Variants in MTIF2 observed in about 807,000 individuals in gnomAD.
MTIF2 encodes the protein mitochondrial translational initiation factor 2.
In MTIF2, 71 loss-of-function variants were observed where a neutral mutation model predicts 83.5. The observed-to-expected ratio is 0.85, with a 90% CI of 0.70 to 1.04. MTIF2 has a LOEUF of 1.04. Among genes scored for constraint, MTIF2 ranks in the 50% least tolerant of loss-of-function variants. The pLI, the probability that MTIF2 is intolerant of heterozygous loss-of-function variation, is 0.00. For missense variants in MTIF2, 957 were observed against 846.5 expected (o/e 1.13, Z -1.62); for synonymous variants, 319 against 287.1 (o/e 1.11, Z -1.12).
At chr2:55,268,967 G>T (rs1388991939) in intron 1 of MTIF2, 4 of 152,060 alleles carry the variant, frequency 2.6e-5, no homozygotes, top group Non-Finnish European at 4.4e-5. Flanking sequence ...CCGGCCAGCC[G>T]CTTCCGAGAG....
chr2:55,259,943 C>CA (rs1312117287), intron 5 of MTIF2, among the ~76,000 whole-genome samples: 9 of 150,226 alleles, frequency 6.0e-5, no homozygotes, highest in Non-Finnish European at 1.0e-4. Flanking sequence ...GACTCTGCTT[C>CA]AAAAAAAAAG....
intron 2 of MTIF2, among the ~76,000 whole-genome samples, chr2:55,268,150 G>T (rs1678576422): frequency 6.6e-6 from 1 of 152,102 alleles, no homozygotes; most frequent in African/African-American, 2.4e-5. Flanking sequence ...CGACTTGGGA[G>T]GCTGAGGCAG....
intron 9 of MTIF2, among the ~76,000 whole-genome samples, chr2:55,247,756 T>A (rs73936964): frequency 0.072 from 10,938 of 151,776 alleles, 1,257 homozygotes; most frequent in African/African-American, 0.24. Context: ...TCATCTTACC[T>A]CCCTGCCACT....
Position 55,254,816 on chromosome 2 carries a change from T to A in MTIF2, c.341A>T (p.Tyr114Phe). ...RAMEKNTDYV[Y>F]EALLNTDIDI... The stretch of plus-strand genomic sequence containing the variant: ...AATATCAGTGTTCAATAAAGCTTCA[T>A]ATACATAATCTGATTGGAATAAAAT... Residue 114 changes from tyrosine (Y) to phenylalanine (F), a missense_variant, in exon 6 of 16, where the codon TAT becomes TTT. Physicochemically the swap from Tyr to Phe is conservative, Grantham distance 22. Coordinates refer to ENST00000263629, the MANE Select transcript of MTIF2 (RefSeq NM_002453.3). The A allele has an allele frequency of 6.3e-7, 1 of 1,582,616 alleles. No homozygotes were observed. The highest frequency in any genetic ancestry group is 1.2e-5 in the South Asian group (1 of 85,430).
chr2:55,253,412 C>G (rs1341319420), intron 7 of MTIF2, among the ~76,000 whole-genome samples: 1 of 151,590 alleles, frequency 6.6e-6, no homozygotes, highest in Non-Finnish European at 1.5e-5. Flanking sequence ...GGCGCGGTGG[C>G]TCACACCTGT....
At chr2:55,245,393 G>C (rs1180605898) in intron 10 of MTIF2, among the ~76,000 whole-genome samples, 4 of 152,054 alleles carry the variant, frequency 2.6e-5, no homozygotes, top group Non-Finnish European at 5.9e-5. Context: ...ATGGTGGTGG[G>C]TGCCTGTAAA....
chr2:55,238,695 CTG>C (rs1676077993), intron 14 of MTIF2, among the ~76,000 whole-genome samples: 1 of 151,962 alleles, frequency 6.6e-6, no homozygotes, highest in African/African-American at 2.4e-5. Context: ...CCGGCCGAGT[CTG>C]TTTTTTTTCA....
Position 55,237,320 on chromosome 2 carries a change from T to G in MTIF2, c.1979A>C (p.Lys660Thr). 1.2e-6 allele frequency: 2 copies of G among 1,612,876 alleles called. No individual in the cohort carries two copies. The highest frequency in any genetic ancestry group is 8.5e-7 in the Non-Finnish European group (1 of 1,179,880). The change falls in exon 15 of 16, where the codon AAA becomes ACA. Residue 660 changes from lysine (K) to threonine (T), a missense_variant. Physicochemically the swap from Lys to Thr is moderately conservative, Grantham distance 78 (BLOSUM62 -1). This residue lies in a region of MTIF2 where 221 missense variants were observed against 180.6 expected (regional missense o/e 1.22). Transcript: ENST00000263629. ...KGQLEKQKKF[K>T]LTRNGHVIWK... ...AATTACATGTCCATTACGGGTTAGTTTAAATTTTTTTTGTTTTTCTAACTG... is the reference window on the plus strand; with the variant it reads ...AATTACATGTCCATTACGGGTTAGTGTAAATTTTTTTTGTTTTTCTAACTG...
intron 4 of MTIF2, among the ~76,000 whole-genome samples, chr2:55,262,872 G>A (rs1239988249): frequency 6.6e-6 from 1 of 152,152 alleles, no homozygotes; most frequent in African/African-American, 2.4e-5. Context: ...GGGACTACAG[G>A]CATGCGCCAC....
chr2:55,240,463 C>T (rs1296933081), intron 13 of MTIF2, among the ~76,000 whole-genome samples: 1 of 152,060 alleles, frequency 6.6e-6, no homozygotes, highest in Non-Finnish European at 1.5e-5. Flanking sequence ...CCTGTAATTC[C>T]AGCTACTCAG....
intron 14 of MTIF2, among the ~76,000 whole-genome samples, chr2:55,239,138 T>TG (rs1676110882): frequency 6.6e-6 from 1 of 152,124 alleles, no homozygotes; most frequent in Non-Finnish European, 1.5e-5. Context: ...GATCCTGGAC[T>TG]GGGGAAAAAA....
In MTIF2 at chr2:55,240,181, A is replaced by C. The variant is rs184871366; in HGVS notation, c.1706-6T>G. On this transcript the variant is annotated splice_region_variant and splice_polypyrimidine_tract_variant and intron_variant, in intron 13 of 15. Coordinates refer to ENST00000263629, the MANE Select transcript of MTIF2 (RefSeq NM_002453.3). ...ATTAAAGCCATATATAACACCTAGCAAACAGAAATATGATCAATGAAGTAG... is the reference window on the plus strand; with the variant it reads ...ATTAAAGCCATATATAACACCTAGCCAACAGAAATATGATCAATGAAGTAG... The C allele has an allele frequency of 4.4e-4, 697 of 1,601,962 alleles. 2 individuals carry two copies. The African/African-American group carries it at 8.3e-3, about 19-fold the overall frequency.
chr2:55,261,432 C>A (rs1677979743), intron 5 of MTIF2, among the ~76,000 whole-genome samples: 1 of 151,410 alleles, frequency 6.6e-6, no homozygotes, highest in South Asian at 2.1e-4. Context: ...ATGGTGAAAC[C>A]CCGTCTCTAC....
At chr2:55,237,054 A>G (rs1675886608) in intron 15 of MTIF2, among the ~76,000 whole-genome samples, 1 of 152,220 alleles carries the variant, frequency 6.6e-6, no homozygotes, top group Non-Finnish European at 1.5e-5. Context: ...AAAGGTAGAC[A>G]TAAACTTTTT....
chr2:55,237,306 C>T lies in MTIF2; in HGVS notation c.1993G>A (p.Gly665Arg), dbSNP rs1382222740. 3.7e-6 allele frequency: 6 copies of T among 1,612,494 alleles called. No individual in the cohort carries two copies. The highest frequency in any genetic ancestry group is 5.1e-6 in the Non-Finnish European group (6 of 1,179,720). The change falls in exon 15 of 16, where the codon GGA becomes AGA. Residue 665 changes from glycine to arginine, a missense_variant. Gly to Arg is a moderately radical substitution (Grantham distance 125). Transcript: ENST00000263629. ...TGCTTACCCTTCCAAATTACATGTC[C>T]ATTACGGGTTAGTTTAAATTTTTTT... is the stretch of plus-strand genomic sequence containing the variant. ...KQKKFKLTRNGHVIWKGSLTS... is the reference protein window; with the variant it reads ...KQKKFKLTRNRHVIWKGSLTS...
At chr2:55,255,562 G>C (rs539892669) in intron 5 of MTIF2, among the ~76,000 whole-genome samples, 2 of 149,690 alleles carry the variant, frequency 1.3e-5, no homozygotes, top group Non-Finnish European at 3.0e-5. Flanking sequence ...ACTCATGCCA[G>C]AACAAGCTTA....
chr2:55,254,636 T>G lies in MTIF2; in HGVS notation c.503+18A>C. ...TAGTCTCCCCCAAACCCTGCCAGTA[T>G]ATACAGTTAAGTTTTACCTTCTTAC... On this transcript the variant is annotated intron_variant, in intron 6 of 15. Coordinates refer to ENST00000263629, the MANE Select transcript of MTIF2 (RefSeq NM_002453.3). The G allele has an allele frequency of 1.3e-6, 2 of 1,576,058 alleles. No individual in the cohort carries two copies. Among genetic ancestry groups the G allele is most frequent in the Non-Finnish European group, 1.7e-6 (2 of 1,161,454 alleles).
At chr2:55,238,453 C>T (rs183074552) in intron 14 of MTIF2, among the ~76,000 whole-genome samples, 5 of 144,586 alleles carry the variant, frequency 3.5e-5, no homozygotes, top group Non-Finnish European at 7.5e-5. Flanking sequence ...TGCAATGGCG[C>T]GATCTTGGCT....
At chr2:55,260,776 T>TC (rs558849160) in intron 5 of MTIF2, among the ~76,000 whole-genome samples, 8 of 152,264 alleles carry the variant, frequency 5.3e-5, no homozygotes, top group Non-Finnish European at 1.0e-4. Context: ...ATTCTTTTTT[T>TC]CCCCAAGAGT....
Sources: allele counts gnomAD v4.1 joint callset (sites outside exome capture counted in the v4.1 genomes callset), GRCh38; gene constraint gnomAD v4.1.1; regional missense constraint gnomAD v4.1.1; transcripts MANE v1.5; gene names NCBI Gene and HGNC (gene_info 2026-07-23, HGNC 2026-07-21).